Variants in JAM2 observed in about 807,000 individuals in gnomAD.
JAM2 encodes the protein junctional adhesion molecule 2.
JAM2 carries 17 observed loss-of-function variants against 42.0 expected under a neutral mutation model. The ratio of observed to expected loss-of-function variants is 0.40; its 90% confidence interval spans 0.28 to 0.61. The LOEUF is 0.61. Ranked by LOEUF, JAM2 falls within the 20% of genes least tolerant of loss-of-function variation. The pLI, the probability that JAM2 is intolerant of heterozygous loss-of-function variation, is 0.37. For synonymous variants in JAM2, 118 were observed against 128.6 expected (o/e 0.92, Z 0.56); for missense variants, 319 against 358.3 (o/e 0.89, Z 0.89).
intron 9 of JAM2, among the ~76,000 whole-genome samples, chr21:25,714,065 A>G (rs1470111891): frequency 1.3e-5 from 2 of 152,236 alleles, no homozygotes; most frequent in African/African-American, 2.4e-5. Flanking sequence ...CCTGGCCTCC[A>G]ACACCAGATG....
intron 4 of JAM2, among the ~76,000 whole-genome samples, chr21:25,698,332 T>G (rs1299794553): frequency 6.6e-6 from 1 of 152,252 alleles, no homozygotes; most frequent in Non-Finnish European, 1.5e-5. Flanking sequence ...TACTTGGTAG[T>G]TGCAGGGGGT....
In JAM2 at chr21:25,685,822, G is replaced by A. The variant is rs75537901; in HGVS notation, c.133+1874G>A. 9.0e-4 allele frequency among the ~76,000 whole-genome samples: 137 copies of A among 152,256 alleles called. 1 individual carries two copies. The highest frequency in any genetic ancestry group is 3.2e-3 in the African/African-American group (131 of 41,548). ...AGGGTGAGCACAGAGTGCGAGAGGG[G>A]TAAATGGACCAGGATGTCCCTGAGG... On this transcript the variant is annotated intron_variant, in intron 2 of 9. Coordinates refer to ENST00000480456, the MANE Select transcript of JAM2 (RefSeq NM_021219.4).
intron 1 of JAM2, among the ~76,000 whole-genome samples, chr21:25,660,788 T>A (rs1320623647): frequency 3.0e-3 from 185 of 61,190 alleles, no homozygotes; most frequent in East Asian, 8.5e-3. Context: ...ATATATTTTT[T>A]TTTTTTTTTT....
At chr21:25,697,852 A>C (rs1346457764) in intron 4 of JAM2, among the ~76,000 whole-genome samples, 2 of 151,902 alleles carry the variant, frequency 1.3e-5, no homozygotes, top group African/African-American at 2.4e-5. Context: ...AGGCTACAGT[A>C]AACCATGATC....
At chr21:25,702,557 A>G (rs555812845) in intron 6 of JAM2, among the ~76,000 whole-genome samples, 1 of 152,220 alleles carries the variant, frequency 6.6e-6, no homozygotes, top group Non-Finnish European at 1.5e-5. Context: ...CTTTCTCTCA[A>G]ATAAAAGCTA....
At chr21:25,662,918 A>T (rs1377078714) in intron 1 of JAM2, among the ~76,000 whole-genome samples, 2 of 152,344 alleles carry the variant, frequency 1.3e-5, no homozygotes, top group African/African-American at 4.8e-5. Flanking sequence ...ATCCAATGGG[A>T]GGATCAGACA....
rs567034081 is a variant in JAM2, at chr21:25,715,722, G to A, written c.*1050G>A. 120 of 152,312 alleles carry A rather than the reference G, an allele frequency of 7.9e-4. No homozygotes were observed. The highest frequency in any genetic ancestry group is 2.3e-3 in the African/African-American group (95 of 41,568). 9.4% of individuals were successfully genotyped at this position (152,312 alleles called of 1,614,324 possible). ...TGGGCACATGAGCAATGGCTCAAAC[G>A]AAAAGTGGATCTAATGTGGGTTTCT... is the stretch of plus-strand genomic sequence containing the variant. On this transcript the variant is annotated 3_prime_UTR_variant, in exon 10 of 10. Coordinates refer to ENST00000480456, the MANE Select transcript of JAM2 (RefSeq NM_021219.4).
At chr21:25,683,651 G>A (rs1277037532) in intron 1 of JAM2, among the ~76,000 whole-genome samples, 1 of 152,110 alleles carries the variant, frequency 6.6e-6, no homozygotes, top group Non-Finnish European at 1.5e-5. Flanking sequence ...CCAAATAGAT[G>A]CATGGATTCT....
chr21:25,669,944 G>A (rs549071148), intron 1 of JAM2, among the ~76,000 whole-genome samples: 1 of 152,126 alleles, frequency 6.6e-6, no homozygotes, highest in African/African-American at 2.4e-5. Context: ...TATCCCAATG[G>A]GGGTAAAGTC....
Position 25,643,126 on chromosome 21 carries a change from AGCAGATGGAATG to A in JAM2, c.67+3240_67+3251del, listed in dbSNP as rs574029538. Among the ~76,000 whole-genome samples the A allele has an allele frequency of 2.9e-4, 44 of 152,378 alleles. No homozygotes were observed. In the East Asian group the frequency reaches 8.1e-3, roughly 28 times the overall value. ...ATGAATGTGGGGGGACATAAACCACAGCAGATGGAATGGGGATGAGGTAGGGTAGGTAAAAGA... is the reference window on the plus strand; with the variant it reads ...ATGAATGTGGGGGGACATAAACCACAGGGATGAGGTAGGGTAGGTAAAAGA... On this transcript the variant is annotated intron_variant, in intron 1 of 9. Transcript: ENST00000480456.
At chr21:25,694,021 C>A (rs2033941914) in intron 4 of JAM2, 113 bp downstream of exon 4, 1 of 997,058 alleles carries the variant, frequency 1.0e-6, no homozygotes, top group Non-Finnish European at 1.5e-6. Flanking sequence ...GGAGCCTCAA[C>A]CAGTCAAGTT....
At chr21:25,660,289 T>C (rs2033043139) in intron 1 of JAM2, among the ~76,000 whole-genome samples, 1 of 152,148 alleles carries the variant, frequency 6.6e-6, no homozygotes, top group South Asian at 2.1e-4. Context: ...ATTTTACTTT[T>C]AAAAAATTAC....
intron 3 of JAM2, 121 bp from the exon 4 acceptor site, chr21:25,693,635 A>C: frequency 4.8e-6 from 4 of 841,540 alleles, no homozygotes; most frequent in South Asian, 1.8e-5. Flanking sequence ...TTAGGCTTTA[A>C]ACTTGAGTTT....
At chr21:25,644,084 G>A (rs979838353) in intron 1 of JAM2, 2 of 152,232 alleles carry the variant, frequency 1.3e-5, no homozygotes, top group African/African-American at 4.8e-5. Flanking sequence ...ATGTTTTGAG[G>A]AAGATGGTGG....
At chr21:25,672,672 A>G (rs924346430) in intron 1 of JAM2, among the ~76,000 whole-genome samples, 1 of 152,164 alleles carries the variant, frequency 6.6e-6, no homozygotes, top group African/African-American at 2.4e-5. Flanking sequence ...CTGATGCACC[A>G]TCTCTGCTGT....
intron 5 of JAM2, among the ~76,000 whole-genome samples, chr21:25,701,003 C>A (rs1380834160): frequency 6.6e-6 from 1 of 152,220 alleles, no homozygotes; most frequent in East Asian, 1.9e-4. Context: ...CAGCTAACCT[C>A]AACCCTTGAA....
Position 25,639,843 on chromosome 21 carries a change from C to T in JAM2, c.22C>T (p.Arg8Cys). MARRSRH[R>C]LLLLLLRYLV... ...GAAGATGGCGAGGAGGAGCCGCCAC[C>T]GCCTCCTCCTGCTGCTGCTGCGCTA... Residue 8 changes from arginine to cysteine, a missense_variant, in exon 1 of 10, where the codon CGC (arginine) becomes TGC (cysteine). Physicochemically the swap from Arg to Cys is radical, Grantham distance 180. Coordinates refer to ENST00000480456, the MANE Select transcript of JAM2 (RefSeq NM_021219.4). The T allele has an allele frequency of 6.3e-7, 1 of 1,591,354 alleles. No individual in the cohort carries two copies. Among genetic ancestry groups the T allele is most frequent in the Non-Finnish European group, 8.5e-7 (1 of 1,171,038 alleles).
Position 25,639,795 on chromosome 21 carries a change from A to G in JAM2, c.-27A>G, listed in dbSNP as rs777768915. ...TGCCGCCGGGACCCTCGACCTCCTC[A>G]GAGCAGCCGGCTGCCGCCCCGGGAA... On this transcript the variant is annotated 5_prime_UTR_variant, in exon 1 of 10. Transcript: ENST00000480456. The G allele has an allele frequency of 1.2e-5, 19 of 1,550,570 alleles. No homozygotes were observed. Among genetic ancestry groups the G allele is most frequent in the Non-Finnish European group, 4.4e-6 (5 of 1,148,794 alleles).
chr21:25,685,386 T>C (rs899589181), intron 2 of JAM2, among the ~76,000 whole-genome samples: 9 of 151,866 alleles, frequency 5.9e-5, no homozygotes, highest in African/African-American at 2.2e-4. Context: ...GACAGACATG[T>C]GGTGCACACC....
Sources: gnomAD v4.1 joint callset for allele counts (sites outside exome capture counted in the v4.1 genomes callset) on GRCh38, gnomAD v4.1.1 for gene constraint, MANE v1.5 for transcripts, NCBI Gene and HGNC (gene_info 2026-07-23, HGNC 2026-07-21) for gene names.